The following INTS3 variants were observed in gnomAD, a reference collection of about 807,000 sequenced individuals.
The protein encoded by INTS3 is SOSS complex subunit A.
A neutral mutation model predicts 146.3 loss-of-function variants in INTS3; 34 were observed. That is an observed-to-expected ratio of 0.23 (90% confidence interval 0.18 to 0.31). The LOEUF (loss-of-function observed/expected upper bound fraction) is 0.31. INTS3 is among the 10% of genes least tolerant of loss of function. The probability of loss-of-function intolerance (pLI) is 1.00; values close to 1 mark genes in which losing one functional copy is unlikely to be tolerated. For missense variants in INTS3, 757 were observed against 1,304.2 expected, an observed-to-expected ratio of 0.58 and a Z score of 6.46; for synonymous variants, 475 against 494.9, an observed-to-expected ratio of 0.96 and a Z score of 0.53.
Position 153,773,340 on chromosome 1 carries a change from A to T in INTS3, c.*70A>T. On this transcript the variant is annotated 3_prime_UTR_variant, in exon 30 of 30. Transcript: ENST00000318967. The stretch of plus-strand genomic sequence containing the variant: ...TTCTTGGTGATTCAAAGGTTAATAG[A>T]GGCTGAGGAGATTGCAGGGGAAACA... 1 of 1,393,266 alleles carries T rather than the reference A, an allele frequency of 7.2e-7. No homozygotes were observed. The highest frequency in any genetic ancestry group is 1.0e-6 in the Non-Finnish European group (1 of 979,676). The allele number at this position is 1,393,266 out of a possible 1,614,324, so 86.3% of individuals were successfully genotyped here.
At chr1:153,755,100 G>A (rs764015679) in intron 9 of INTS3, among the ~76,000 whole-genome samples, 1 of 152,168 alleles carries the variant, frequency 6.6e-6, no homozygotes, top group Non-Finnish European at 1.5e-5. Context: ...AGAAACCCAC[G>A]ATTGCTCCAG....
rs1671020635 is a variant in INTS3, at chr1:153,730,429, G to A, written c.150+1645G>A. 2.6e-5 allele frequency among the ~76,000 whole-genome samples: 4 copies of A among 152,192 alleles called. No homozygotes were observed. The South Asian group carries it at 8.3e-4, about 31-fold the overall frequency. Reference sequence around the variant, plus strand: ...TTGATCCCTGTGTACTAACACTGGAGCTCTAGAAGTATAGAAAGTCAATAA... The same window carrying A: ...TTGATCCCTGTGTACTAACACTGGAACTCTAGAAGTATAGAAAGTCAATAA... On this transcript the variant is annotated intron_variant, in intron 1 of 29. Transcript: ENST00000318967.
Position 153,758,380 on chromosome 1 carries a change from G to A in INTS3, c.1149+617G>A, listed in dbSNP as rs1335750271. 2.6e-5 allele frequency among the ~76,000 whole-genome samples: 4 copies of A among 152,316 alleles called. No individual in the cohort carries two copies. The East Asian group carries it at 7.7e-4, about 29-fold the overall frequency. On this transcript the variant is annotated intron_variant, in intron 10 of 29. Coordinates refer to ENST00000318967, the MANE Select transcript of INTS3 (RefSeq NM_023015.5). ...GTGGGGGTCTCTTCTTCAGGAATGT[G>A]CCTGGAGAGCCCAGAAAGGGCAGCC...
intron 22 of INTS3, among the ~76,000 whole-genome samples, chr1:153,769,566 C>T (rs1277531382): frequency 6.6e-6 from 1 of 152,160 alleles, no homozygotes; most frequent in Non-Finnish European, 1.5e-5. Context: ...GGTTCCCACT[C>T]AGGCCTTACT....
At position 153,772,505 on chromosome 1, in the gene INTS3, C is replaced by A. The variant is rs1312382847; in HGVS notation, c.2821+65C>A. 1.2e-6 allele frequency: 2 copies of A among 1,613,404 alleles called. No homozygotes were observed. The highest frequency in any genetic ancestry group is 1.7e-6 in the Non-Finnish European group (2 of 1,179,624). The stretch of plus-strand genomic sequence containing the variant: ...GCCCTGGCCCAGACTATGCCTGGAG[C>A]CAGGCTGGGGGCAGGGGCAGGACAC... On this transcript the variant is annotated intron_variant, in intron 27 of 29. Coordinates refer to ENST00000318967, the MANE Select transcript of INTS3 (RefSeq NM_023015.5). The surrounding 1 kb of genome is among the most constrained non-coding windows in gnomAD (Gnocchi z 4.6).
chr1:153,764,410 T>C (rs967485668), intron 18 of INTS3, among the ~76,000 whole-genome samples, 189 bp downstream of exon 18: 8 of 152,144 alleles, frequency 5.3e-5, no homozygotes, highest in Non-Finnish European at 7.4e-5. Flanking sequence ...ACTGGGGAGG[T>C]TGACACCTCC....
intron 20 of INTS3, 110 bp downstream of exon 20, chr1:153,765,173 G>A (rs1672530346): frequency 1.7e-6 from 2 of 1,200,396 alleles, no homozygotes; most frequent in Admixed American, 4.0e-5. Context: ...CCTTCTTTGT[G>A]GGTCTGTTTG....
In INTS3 at chr1:153,764,950, A is replaced by G. The variant is rs758748676; in HGVS notation, c.1977A>G (p.Leu659=). ...TCCCATGCCCCACCTCCAGGAACCT[A>G]TGTCAGATGCAGGAAGACAACAGCA... The part of the protein sequence containing the change: ...GKPLYLIFRN[L]CQMQEDNSSF... The change falls in exon 20 of 30, where the codon CTA becomes CTG. Residue 659 remains leucine (L), a synonymous_variant. Transcript: ENST00000318967. 4 of 1,614,108 alleles carry G rather than the reference A, an allele frequency of 2.5e-6. No individual in the cohort carries two copies. The highest frequency in any genetic ancestry group is 2.2e-5 in the South Asian group (2 of 91,076).
rs187925132 is a variant in INTS3 at position 153,765,515 on chromosome 1, T to C, written c.2090+452T>C. ...CAGTTATTGGTTTTGGGTTTTTTTT[T>C]CCCCTACTCTGAGTAAGCCTTGTGT... On this transcript the variant is annotated intron_variant, in intron 20 of 29. Transcript: ENST00000318967. 9.1e-3 allele frequency among the ~76,000 whole-genome samples: 1,382 copies of C among 152,162 alleles called. 8 individuals are homozygous for C. Among genetic ancestry groups the C allele is most frequent in the Non-Finnish European group, 0.014 (941 of 68,002 alleles).
chr1:153,741,267 T>C lies in INTS3; in HGVS notation c.235-18T>C. On this transcript the variant is annotated intron_variant, in intron 2 of 29. Transcript: ENST00000318967. ...CCTGTGAGTGACAACTAGTTTGTTT[T>C]CCTTTCTCACATTCCAGGTGTGCAA... is the stretch of plus-strand genomic sequence containing the variant. The C allele has an allele frequency of 1.2e-6, 2 of 1,604,022 alleles. No homozygotes were observed. The highest frequency in any genetic ancestry group is 8.5e-7 in the Non-Finnish European group (1 of 1,170,834).
Position 153,756,476 on chromosome 1 carries a change from C to T in INTS3, c.958-1096C>T, listed in dbSNP as rs112904933. 5.0e-3 allele frequency among the ~76,000 whole-genome samples: 753 copies of T among 151,272 alleles called. 10 individuals are homozygous for T. Among genetic ancestry groups the T allele is most frequent in the African/African-American group, 0.017 (710 of 41,292 alleles). On this transcript the variant is annotated intron_variant, in intron 9 of 29. Coordinates refer to ENST00000318967, the MANE Select transcript of INTS3 (RefSeq NM_023015.5). ...TTGAACCCAGGAGTTAGAGACCAGC[C>T]TGGGCTCAAGCAATCCTCCCATCAA... is the stretch of plus-strand genomic sequence containing the variant.
intron 3 of INTS3, among the ~76,000 whole-genome samples, chr1:153,745,588 A>G (rs1050519574): frequency 2.6e-5 from 4 of 151,806 alleles, no homozygotes; most frequent in African/African-American, 9.7e-5. Context: ...CAGCAGGCTA[A>G]GGAAGTTGCT....
intron 1 of INTS3, among the ~76,000 whole-genome samples, chr1:153,739,236 G>A (rs954797861): frequency 9.9e-5 from 15 of 152,052 alleles, no homozygotes; most frequent in Admixed American, 7.2e-4. Context: ...GCTAATTTTT[G>A]TATTTTTAGT....
chr1:153,739,263 C>T (rs1671425170), intron 1 of INTS3, among the ~76,000 whole-genome samples: 1 of 151,980 alleles, frequency 6.6e-6, no homozygotes. Flanking sequence ...AGGGTTTTTT[C>T]ACCATGTTGG....
intron 9 of INTS3, among the ~76,000 whole-genome samples, chr1:153,755,893 C>T (rs925571778): frequency 3.3e-5 from 5 of 151,976 alleles, no homozygotes; most frequent in East Asian, 1.9e-4. Flanking sequence ...ACAAACATTT[C>T]GCTGGGCGTG....
At chr1:153,747,415 A>G in intron 5 of INTS3, 52 bp downstream of exon 5, 1 of 1,334,844 alleles carries the variant, frequency 7.5e-7, no homozygotes, top group Non-Finnish European at 1.1e-6. Context: ...CCCAGAGACT[A>G]CATAGAGACA....
Position 153,772,110 on chromosome 1 carries a change from C to T in INTS3, c.2720+147C>T, listed in dbSNP as rs911050041. 1 of 1,003,068 alleles carries T rather than the reference C, an allele frequency of 1.0e-6. No homozygotes were observed. The highest frequency in any genetic ancestry group is 1.6e-5 in the African/African-American group (1 of 61,882). 62.1% of individuals were successfully genotyped at this position (1,003,068 alleles called of 1,614,324 possible). A position where few individuals can be genotyped will look rare whatever the true frequency, so the allele number is the denominator to read the frequency against. On this transcript the variant is annotated intron_variant, in intron 26 of 29. Transcript: ENST00000318967. This position sits in a 1 kb window ranked among gnomAD's most constrained non-coding sequence, Gnocchi z 4.6. ...GGCGACATCTAGTGGTCCGAAGCCA[C>T]ATGGCATGCGAGACCACCGTGGCCC...
At chr1:153,738,972 C>A (rs1056911492) in intron 1 of INTS3, among the ~76,000 whole-genome samples, 14 of 151,478 alleles carry the variant, frequency 9.2e-5, no homozygotes, top group African/African-American at 3.4e-4. Flanking sequence ...CAGCTCACTG[C>A]AAACTCTGCC....
intron 6 of INTS3, among the ~76,000 whole-genome samples, chr1:153,749,731 CAG>C (rs1557997211): frequency 6.6e-6 from 1 of 152,236 alleles, no homozygotes; most frequent in Non-Finnish European, 1.5e-5. Context: ...TGTCCTGGGT[CAG>C]GGGGCCTTTC....
Sources: allele counts gnomAD v4.1 joint callset (sites outside exome capture counted in the v4.1 genomes callset), GRCh38; gene constraint gnomAD v4.1.1; non-coding constraint Gnocchi (gnomAD v3.1); transcripts MANE v1.5; gene names NCBI Gene and HGNC (gene_info 2026-07-23, HGNC 2026-07-21).